Variants in CUL3 observed in about 807,000 individuals in gnomAD.
The protein encoded by CUL3 is cullin-3.
Under a neutral mutation model 89.1 loss-of-function variants are expected in CUL3, and 19 were observed. The observed-to-expected ratio is 0.21, with a 90% confidence interval of 0.15 to 0.31. The LOEUF is 0.31. Ranked by LOEUF, CUL3 falls within the 10% of genes least tolerant of loss-of-function variation. The pLI, the probability that CUL3 is intolerant of heterozygous loss-of-function variation, is 1.00. For missense variants in CUL3, 469 were observed against 942.3 expected (o/e 0.50, Z 6.58); for synonymous variants, 351 against 308.4 (o/e 1.14, Z -1.45).
At chr2:224,529,017 G>T (rs1693587860) in intron 3 of CUL3, among the ~76,000 whole-genome samples, 1 of 152,092 alleles carries the variant, frequency 6.6e-6, no homozygotes, top group South Asian at 2.1e-4. Context: ...ATCAAGATAG[G>T]AAATCATTTT....
intron 3 of CUL3, among the ~76,000 whole-genome samples, chr2:224,519,499 GTGA>G (rs1693184526): frequency 6.6e-6 from 1 of 152,108 alleles, no homozygotes; most frequent in Non-Finnish European, 1.5e-5. Context: ...GTCAAGATGT[GTGA>G]TGATAATTAA....
chr2:224,480,234 A>C (rs1462097659), intron 14 of CUL3: 1 of 152,168 alleles, frequency 6.6e-6, no homozygotes, highest in Non-Finnish European at 1.5e-5. Flanking sequence ...ATGAACTTTT[A>C]CTACTGGCTA....
intron 1 of CUL3, chr2:224,563,209 C>A (rs979304490): frequency 6.4e-6 from 3 of 470,578 alleles, no homozygotes; most frequent in Admixed American, 4.7e-5. Flanking sequence ...TATAACGTAG[C>A]TTTCTTTTAG....
chr2:224,516,639 C>T (rs933223620), intron 3 of CUL3, among the ~76,000 whole-genome samples: 1 of 150,504 alleles, frequency 6.6e-6, no homozygotes, highest in African/African-American at 2.5e-5. Flanking sequence ...TGATGGCTAA[C>T]ACTGTTTTTT....
intron 2 of CUL3, 79 bp from the exon 3 acceptor site, chr2:224,535,720 T>C (rs1455548714): frequency 1.2e-6 from 1 of 821,794 alleles, no homozygotes; most frequent in African/African-American, 1.7e-5. Context: ...ATCTGTTTAA[T>C]AAAATAATGA....
At chr2:224,578,043 A>G (rs1478446808) in intron 1 of CUL3, among the ~76,000 whole-genome samples, 1 of 152,220 alleles carries the variant, frequency 6.6e-6, no homozygotes, top group Non-Finnish European at 1.5e-5. Flanking sequence ...GATTAAGTTT[A>G]GATATGCAGA....
chr2:224,524,219 C>T (rs1033971829), intron 3 of CUL3, among the ~76,000 whole-genome samples: 1 of 152,068 alleles, frequency 6.6e-6, no homozygotes, highest in Non-Finnish European at 1.5e-5. Context: ...TTCACTGGTT[C>T]CCTTCAGTCA....
intron 5 of CUL3, 31 bp downstream of exon 5, chr2:224,513,493 A>G: frequency 7.6e-7 from 1 of 1,307,634 alleles, no homozygotes; most frequent in South Asian, 1.3e-5. Context: ...AACATCTTAA[A>G]AGATTATTTA....
chr2:224,475,731 C>T (rs906534031), intron 15 of CUL3, among the ~76,000 whole-genome samples: 2 of 152,124 alleles, frequency 1.3e-5, no homozygotes, highest in South Asian at 2.1e-4. Flanking sequence ...CCTGTTTAAC[C>T]GAGCCTAAAC....
intron 2 of CUL3, among the ~76,000 whole-genome samples, chr2:224,554,476 C>T (rs558239129): frequency 4.6e-5 from 7 of 152,232 alleles, no homozygotes; most frequent in Admixed American, 4.6e-4. Context: ...ATCATTCTAC[C>T]TTAGGAGCAG....
intron 2 of CUL3, among the ~76,000 whole-genome samples, chr2:224,535,900 G>C (rs1354229903): frequency 1.3e-5 from 2 of 152,228 alleles, no homozygotes; most frequent in East Asian, 1.9e-4. Flanking sequence ...CCAGTGACTT[G>C]ACATCATTGT....
intron 15 of CUL3, among the ~76,000 whole-genome samples, 182 bp downstream of exon 15, chr2:224,478,018 G>C (rs1691385622): frequency 6.6e-6 from 1 of 152,190 alleles, no homozygotes; most frequent in South Asian, 2.1e-4. Context: ...GGTTCCGAGA[G>C]TGTGCACATA....
At chr2:224,514,162 T>C (rs1315443286) in intron 4 of CUL3, among the ~76,000 whole-genome samples, 1 of 152,130 alleles carries the variant, frequency 6.6e-6, no homozygotes, top group Non-Finnish European at 1.5e-5. Context: ...AAAATGACAC[T>C]GCAATCATTG....
At chr2:224,490,328 C>CT (rs1691912326) in intron 13 of CUL3, among the ~76,000 whole-genome samples, 1 of 152,186 alleles carries the variant, frequency 6.6e-6, no homozygotes, top group Non-Finnish European at 1.5e-5. Flanking sequence ...CTAACCCCCT[C>CT]TCTCTCTGCC....
intron 3 of CUL3, among the ~76,000 whole-genome samples, chr2:224,517,985 C>A (rs1574650415): frequency 6.6e-6 from 1 of 151,928 alleles, no homozygotes; most frequent in Non-Finnish European, 1.5e-5. Flanking sequence ...ATAATAAGTA[C>A]AATTCGAATA....
intron 1 of CUL3, among the ~76,000 whole-genome samples, chr2:224,559,161 T>C (rs1350160678): frequency 1.3e-5 from 2 of 152,062 alleles, no homozygotes; most frequent in African/African-American, 4.8e-5. Flanking sequence ...AAACTGTCAG[T>C]TTCACCACAT....
intron 2 of CUL3, among the ~76,000 whole-genome samples, chr2:224,538,820 AAC>A (rs1693985677): frequency 6.6e-6 from 1 of 152,208 alleles, no homozygotes; most frequent in South Asian, 2.1e-4. Flanking sequence ...GAGAAAGCTC[AAC>A]ACAGTGGATC....
chr2:224,478,929 ATATAT>A (rs1315488468), intron 14 of CUL3: 1 of 152,334 alleles, frequency 6.6e-6, no homozygotes, highest in Non-Finnish European at 1.5e-5. Context: ...ATTTCTTGTC[ATATAT>A]TTTATTATGC....
chr2:224,562,233 A>G (rs1041927628), intron 1 of CUL3, among the ~76,000 whole-genome samples: 1 of 152,160 alleles, frequency 6.6e-6, no homozygotes, highest in Non-Finnish European at 1.5e-5. Context: ...GGTTGTATGT[A>G]GTGCGTTTTT....
Sources: gnomAD v4.1 joint callset for allele counts (sites outside exome capture counted in the v4.1 genomes callset) on GRCh38, gnomAD v4.1.1 for gene constraint, MANE v1.5 for transcripts, NCBI Gene and HGNC (gene_info 2026-07-23, HGNC 2026-07-21) for gene names.